Variants in SLC30A10 observed in about 807,000 individuals in gnomAD.
The protein encoded by SLC30A10 is calcium/manganese antiporter SLC30A10.
A neutral mutation model predicts 21.7 loss-of-function variants in SLC30A10; 8 were observed. The ratio of observed to expected loss-of-function variants is 0.37; its 90% CI spans 0.22 to 0.67. The LOEUF is 0.67. Ranked by LOEUF, SLC30A10 falls within the 30% of genes least tolerant of loss-of-function variation. SLC30A10 has a pLI of 0.58. For missense variants in SLC30A10, 521 were observed against 642.5 expected (o/e 0.81, Z 2.04); for synonymous variants, 272 against 279.4 (o/e 0.97, Z 0.26).
upstream of SLC30A10, among the ~76,000 whole-genome samples, chr1:219,928,838 G>T (rs1659916660): frequency 6.6e-6 from 1 of 152,188 alleles, no homozygotes; most frequent in Non-Finnish European, 1.5e-5. The surrounding 1 kb of genome is among the most constrained non-coding windows in gnomAD (Gnocchi z 6.3). Context: ...CCATGCAGAG[G>T]TGGGATTCAC....
In SLC30A10 at chr1:219,918,507, A is replaced by G. The variant is rs747648962; in HGVS notation, c.719-13T>C. The G allele has an allele frequency of 1.3e-5, 21 of 1,584,114 alleles. No individual in the cohort carries two copies. The highest frequency in any genetic ancestry group is 4.0e-5 in the African/African-American group (3 of 74,418). ...TGCAAAAGTACACCTGCCAGGAAGA[A>G]AGACTACTGCAGCACAGATGCAAAT... On this transcript the variant is annotated splice_polypyrimidine_tract_variant and intron_variant, in intron 2 of 3. Coordinates refer to ENST00000366926, the MANE Select transcript of SLC30A10 (RefSeq NM_018713.3). This position sits in a 1 kb window ranked among gnomAD's most constrained non-coding sequence, Gnocchi z 4.4.
In SLC30A10 at chr1:219,948,873, G is replaced by A. The variant is rs1040009084; in HGVS notation, n.80+9695C>T. Among the ~76,000 whole-genome samples the A allele has an allele frequency of 3.8e-4, 58 of 152,090 alleles. 1 individual carries two copies. The highest frequency in any genetic ancestry group is 1.3e-3 in the African/African-American group (52 of 41,472). Reference sequence around the variant, plus strand: ...TTCGCAACCTACTCATGTGACAAAGGGCTAATATCCAGAATCTACAAAAAA... The same window carrying A: ...TTCGCAACCTACTCATGTGACAAAGAGCTAATATCCAGAATCTACAAAAAA... On this transcript the variant is annotated intron_variant and non_coding_transcript_variant, in intron 1 of 8. Transcript: ENST00000484239.
chr1:219,915,534 G>A lies in SLC30A10; in HGVS notation c.1373C>T (p.Ser458Phe). 1.9e-6 allele frequency: 3 copies of A among 1,614,218 alleles called. No individual in the cohort carries two copies. The highest frequency in any genetic ancestry group is 2.5e-6 in the Non-Finnish European group (3 of 1,180,034). The change falls in exon 4 of 4, where the codon TCT (serine) becomes TTT (phenylalanine). Residue 458 changes from serine to phenylalanine, a missense_variant. Coordinates refer to ENST00000366926, the MANE Select transcript of SLC30A10 (RefSeq NM_018713.3). ...GTGGTCACTCAGACAGCTATCCAAA[G>A]ACACTTCAATAGCCACTTCTCTTGC... is the stretch of plus-strand genomic sequence containing the variant. ...RDAREVAIEV[S>F]LDSCLSDHGQ...
In SLC30A10 at chr1:219,951,240, T is replaced by G. The variant is rs548768093; in HGVS notation, n.80+7328A>C. Among the ~76,000 whole-genome samples the G allele has an allele frequency of 2.8e-4, 42 of 150,890 alleles. 1 individual carries two copies. In the South Asian group the frequency reaches 8.8e-3, roughly 32 times the overall value. Reference sequence around the variant, plus strand: ...CCTCCCAAAGTGCTGGGATTACAGGTGTGAGCCACCGCCCCTGGCTGTAGA... The same window carrying G: ...CCTCCCAAAGTGCTGGGATTACAGGGGTGAGCCACCGCCCCTGGCTGTAGA... On this transcript the variant is annotated intron_variant and non_coding_transcript_variant, in intron 1 of 8. Coordinates refer to the SLC30A10 transcript ENST00000484239.
chr1:219,951,819 T>G (rs1490166065), intron 1 of SLC30A10, among the ~76,000 whole-genome samples: 2 of 152,022 alleles, frequency 1.3e-5, no homozygotes, highest in African/African-American at 4.8e-5. Context: ...CTTTGCAACC[T>G]CAAACTCCTG....
chr1:219,929,448 C>A (rs1033451309), upstream of SLC30A10, among the ~76,000 whole-genome samples: 1 of 152,202 alleles, frequency 6.6e-6, no homozygotes, highest in Non-Finnish European at 1.5e-5. Flanking sequence ...TACTCACCCC[C>A]ACGTGTCCCT....
chr1:219,942,180 T>A (rs1228675206), intron 1 of SLC30A10, among the ~76,000 whole-genome samples: 2 of 152,048 alleles, frequency 1.3e-5, no homozygotes, highest in East Asian at 3.9e-4. Flanking sequence ...AAATAAAAAA[T>A]GTACTCAAAG....
chr1:219,953,863 C>T (rs1226247120), intron 1 of SLC30A10, among the ~76,000 whole-genome samples: 9 of 151,538 alleles, frequency 5.9e-5, no homozygotes, highest in African/African-American at 1.7e-4. Flanking sequence ...CCTGCCACCA[C>T]GCCCGGCTAA....
At chr1:219,922,244 G>T (rs1477965557) in intron 2 of SLC30A10, among the ~76,000 whole-genome samples, 2 of 104,116 alleles carry the variant, frequency 1.9e-5, no homozygotes, top group Non-Finnish European at 3.7e-5. Flanking sequence ...AGAGACAGGG[G>T]TTTGCTATGT....
chr1:219,922,174 G>GTGTGTGTGTGTGTGTTTTTGT (rs1558252048), intron 2 of SLC30A10, among the ~76,000 whole-genome samples: 8 of 18,214 alleles, frequency 4.4e-4, no homozygotes, highest in African/African-American at 6.6e-4. Flanking sequence ...GTGTGTGTGT[G>GTGTGTGTGTGTGTGTTTTTGT]TGTTTTTTTT....
rs1490753403 is a variant in SLC30A10, at chr1:219,926,936, C to A, written c.718+92G>T. ...TGTAACTGGCCTACTTTCAAACACA[C>A]CTTTGCCTTATTAAAAGTCAAACAG... On this transcript the variant is annotated intron_variant, in intron 2 of 3. Transcript: ENST00000366926. 22 of 1,000,036 alleles carry A rather than the reference C, an allele frequency of 2.2e-5. 1 individual carries two copies. In the South Asian group the frequency reaches 2.7e-4, roughly 12 times the overall value. The allele number at this position is 1,000,036 out of a possible 1,614,324, so 61.9% of individuals were successfully genotyped here.
intron 1 of SLC30A10, among the ~76,000 whole-genome samples, chr1:219,955,132 G>A (rs111305110): frequency 2.0e-5 from 3 of 152,132 alleles, no homozygotes; most frequent in East Asian, 1.9e-4. Context: ...AAACTGGCTC[G>A]TGACAAGTAT....
intron 1 of SLC30A10, among the ~76,000 whole-genome samples, chr1:219,946,703 C>T (rs1164905025): frequency 1.3e-5 from 2 of 152,046 alleles, no homozygotes; most frequent in South Asian, 2.1e-4. Flanking sequence ...CTCTCTGTTC[C>T]TGGGCCCACC....
rs1272966821 is a variant in SLC30A10 at position 219,910,691 on chromosome 1, G to C, written c.*4758C>G. Among the ~76,000 whole-genome samples, 1 of 152,208 alleles carries C rather than the reference G, an allele frequency of 6.6e-6. No individual in the cohort carries two copies. Among genetic ancestry groups the C allele is most frequent in the Non-Finnish European group, 1.5e-5 (1 of 68,042 alleles). On this transcript the variant is annotated 3_prime_UTR_variant, in exon 4 of 4. Transcript: ENST00000366926. ...TAACATAACCTCAGATCTCCAGGAA[G>C]AGGTCACTCTCCCTTGAAAATCATC...
upstream of SLC30A10, among the ~76,000 whole-genome samples, chr1:219,930,664 C>T (rs1456466333): frequency 6.6e-6 from 1 of 152,104 alleles, no homozygotes; most frequent in African/African-American, 2.4e-5. Flanking sequence ...ATTTGCACCT[C>T]CAGGAAAATA....
intron 1 of SLC30A10, among the ~76,000 whole-genome samples, chr1:219,937,273 T>A (rs1174560767): frequency 6.6e-6 from 1 of 152,230 alleles, no homozygotes; most frequent in African/African-American, 2.4e-5. Flanking sequence ...GTGGGATTCT[T>A]TCTTTATTTT....
At chr1:219,924,549 T>C (rs201348376) in intron 2 of SLC30A10, among the ~76,000 whole-genome samples, 132 of 152,294 alleles carry the variant, frequency 8.7e-4, no homozygotes, top group African/African-American at 3.0e-3. Context: ...AGCCTCACAC[T>C]TAGCCGGGAA....
At chr1:219,954,571 T>C (rs1353776557) in intron 1 of SLC30A10, among the ~76,000 whole-genome samples, 1 of 150,686 alleles carries the variant, frequency 6.6e-6, no homozygotes, top group Non-Finnish European at 1.5e-5. Flanking sequence ...TCCCAGTTAC[T>C]TGGGAGGCCG....
chr1:219,921,921 CAG>C (rs57806725), intron 2 of SLC30A10, among the ~76,000 whole-genome samples: 42,103 of 137,674 alleles, frequency 0.31, 6,443 homozygotes, highest in East Asian at 0.4. Flanking sequence ...GAGAGAGAGA[CAG>C]AGAGAGAGAG....
Sources: allele counts gnomAD v4.1 joint callset (sites outside exome capture counted in the v4.1 genomes callset), GRCh38; gene constraint gnomAD v4.1.1; non-coding constraint Gnocchi (gnomAD v3.1); transcripts MANE v1.5; gene names NCBI Gene and HGNC (gene_info 2026-07-23, HGNC 2026-07-21).